The following TRHDE variants were observed in gnomAD, a reference collection of about 807,000 sequenced individuals.
The protein encoded by TRHDE is thyrotropin releasing hormone degrading enzyme.
A neutral mutation model predicts 125.7 loss-of-function variants in TRHDE; 72 were observed. The observed-to-expected ratio is 0.57, with a 90% CI of 0.47 to 0.70. The LOEUF is 0.70. TRHDE is among the 30% of genes least tolerant of loss of function. The probability of loss-of-function intolerance (pLI) is 0.00; values close to 1 mark genes in which losing one functional copy is unlikely to be tolerated. For missense variants in TRHDE, 1,110 were observed against 1,327.1 expected, an observed-to-expected ratio of 0.84 and a Z score of 2.54; for synonymous variants, 509 against 509.1, an observed-to-expected ratio of 1.00 and a Z score of 0.00.
intron 3 of TRHDE, among the ~76,000 whole-genome samples, chr12:72,389,479 C>T (rs1251397461): frequency 6.6e-6 from 1 of 152,138 alleles, no homozygotes; most frequent in African/African-American, 2.4e-5. Flanking sequence ...GACCGGGTGA[C>T]TAAACAACAG....
intron 3 of TRHDE, among the ~76,000 whole-genome samples, chr12:72,418,628 C>T (rs932439685): frequency 6.6e-6 from 1 of 151,952 alleles, no homozygotes; most frequent in Non-Finnish European, 1.5e-5. Flanking sequence ...ATTTCCCCAT[C>T]TTTTAAGGGG....
chr12:72,576,348 G>A (rs1351383322), intron 12 of TRHDE, among the ~76,000 whole-genome samples: 1 of 152,070 alleles, frequency 6.6e-6, no homozygotes, highest in Non-Finnish European at 1.5e-5. Context: ...AGTTAGTAGT[G>A]CTGATATTAA....
intron 6 of TRHDE, among the ~76,000 whole-genome samples, chr12:72,512,045 T>C (rs1217598684): frequency 6.6e-6 from 1 of 152,158 alleles, no homozygotes; most frequent in Non-Finnish European, 1.5e-5. Context: ...TCTGTCTTTT[T>C]TACTTTGCTG....
Position 72,621,154 on chromosome 12 carries a change from G to A in TRHDE, c.2516G>A (p.Trp839Ter). ...QVATTYIKLG[W>*]PKNNFNGSLV... is the part of the protein sequence containing the mutation. ...GCAACAACATATATCAAGCTTGGGTGGCCGAAAAATAATTTTAATGGATCT... is the reference window on the plus strand; with the variant it reads ...GCAACAACATATATCAAGCTTGGGTAGCCGAAAAATAATTTTAATGGATCT... The change falls in exon 14 of 19, where the codon TGG (tryptophan) becomes TAG (stop). Residue 839 changes from tryptophan (W) to a stop codon, truncating the protein, a stop_gained. Transcript: ENST00000261180. LOFTEE classifies it high-confidence loss of function. 6.2e-7 allele frequency: 1 copy of A among 1,612,284 alleles called. No individual in the cohort carries two copies. The highest frequency in any genetic ancestry group is 8.5e-7 in the Non-Finnish European group (1 of 1,178,888).
chr12:72,509,998 T>A (rs531343648), intron 6 of TRHDE, among the ~76,000 whole-genome samples: 1 of 152,230 alleles, frequency 6.6e-6, no homozygotes, highest in South Asian at 2.1e-4. Context: ...AAAGAAAGAT[T>A]GTGTTGCCCA....
chr12:72,495,808 C>T (rs1054170353), intron 5 of TRHDE, among the ~76,000 whole-genome samples: 1 of 152,092 alleles, frequency 6.6e-6, no homozygotes, highest in African/African-American at 2.4e-5. Flanking sequence ...TGTACATATA[C>T]TCTACATTTA....
At chr12:72,195,218 G>A (rs1483407679) in intron 2 of TRHDE, among the ~76,000 whole-genome samples, 2 of 152,062 alleles carry the variant, frequency 1.3e-5, no homozygotes, top group Non-Finnish European at 2.9e-5. Context: ...ACGACACGCG[G>A]GGATTATGGG....
intron 3 of TRHDE, among the ~76,000 whole-genome samples, chr12:72,435,373 G>T (rs1793217374): frequency 1.3e-5 from 2 of 152,024 alleles, no homozygotes; most frequent in African/African-American, 4.8e-5. Context: ...CAGTTCATTG[G>T]CATTGGTGTT....
At chr12:72,614,793 G>A (rs760368823) in intron 12 of TRHDE, among the ~76,000 whole-genome samples, 1 of 152,088 alleles carries the variant, frequency 6.6e-6, no homozygotes, top group Non-Finnish European at 1.5e-5. Context: ...ACCCATCTCA[G>A]TAAGATTCAA....
At chr12:72,446,334 G>A (rs930070575) in intron 3 of TRHDE, among the ~76,000 whole-genome samples, 1 of 151,708 alleles carries the variant, frequency 6.6e-6, no homozygotes, top group African/African-American at 2.4e-5. Context: ...CACCAGGCCT[G>A]CCTTAGGAGA....
intron 3 of TRHDE, among the ~76,000 whole-genome samples, chr12:72,461,058 C>T (rs2135885257): frequency 6.6e-6 from 1 of 152,170 alleles, no homozygotes; most frequent in South Asian, 2.1e-4. Context: ...TCAGCAAAAA[C>T]ACTGGCTGCC....
chr12:72,104,833 G>T (rs1277650843), intron 1 of TRHDE, among the ~76,000 whole-genome samples: 2 of 152,194 alleles, frequency 1.3e-5, no homozygotes, highest in South Asian at 2.1e-4. Context: ...GGAACAGTGG[G>T]TAGAACTAGC....
intron 9 of TRHDE, among the ~76,000 whole-genome samples, chr12:72,567,647 A>G (rs530859565): frequency 1.8e-4 from 27 of 152,132 alleles, no homozygotes; most frequent in African/African-American, 6.5e-4. Flanking sequence ...ATCACGCAAT[A>G]TCTTGTCTTA....
intron 12 of TRHDE, among the ~76,000 whole-genome samples, chr12:72,593,293 G>A (rs1407733843): frequency 6.6e-6 from 1 of 152,140 alleles, no homozygotes; most frequent in Admixed American, 6.5e-5. Context: ...AAGTGTCTAA[G>A]GTTCAGAAAG....
chr12:72,486,599 C>T (rs547203498), intron 5 of TRHDE, among the ~76,000 whole-genome samples: 64 of 152,278 alleles, frequency 4.2e-4, no homozygotes, highest in African/African-American at 1.5e-3. Flanking sequence ...ACTGCACCCG[C>T]ATGGAACCAG....
At chr12:72,290,528 G>T (rs1055680441) in intron 2 of TRHDE, among the ~76,000 whole-genome samples, 1 of 152,158 alleles carries the variant, frequency 6.6e-6, no homozygotes, top group Non-Finnish European at 1.5e-5. Flanking sequence ...GTTTCTGTAG[G>T]CTAGGAATTT....
chr12:72,167,498 C>T (rs2139332870), intron 2 of TRHDE: 1 of 152,220 alleles, frequency 6.6e-6, no homozygotes, highest in African/African-American at 2.4e-5. Flanking sequence ...TGCAGTATCC[C>T]ACACAATACT....
At chr12:72,658,196 T>G (rs2136114423) in intron 18 of TRHDE, among the ~76,000 whole-genome samples, 1 of 152,258 alleles carries the variant, frequency 6.6e-6, no homozygotes, top group South Asian at 2.1e-4. Flanking sequence ...TTACTATTTT[T>G]TAAATAAAGG....
chr12:72,638,733 G>A (rs1294121817), intron 15 of TRHDE, among the ~76,000 whole-genome samples: 3 of 151,642 alleles, frequency 2.0e-5, no homozygotes, highest in African/African-American at 4.8e-5. Flanking sequence ...TTGCTTGTCT[G>A]TAAAGTATTT....
Sources: allele counts gnomAD v4.1 joint callset (sites outside exome capture counted in the v4.1 genomes callset), GRCh38; gene constraint gnomAD v4.1.1; transcripts MANE v1.5; gene names NCBI Gene and HGNC (gene_info 2026-07-23, HGNC 2026-07-21).